Variants in WWC1 observed in about 807,000 individuals in gnomAD.
WWC1 encodes protein KIBRA.
A neutral mutation model predicts 138.4 loss-of-function variants in WWC1; 55 were observed. The ratio of observed to expected loss-of-function variants is 0.40; its 90% CI spans 0.32 to 0.50. The LOEUF (loss-of-function observed/expected upper bound fraction) is 0.50. WWC1 is among the 20% of genes least tolerant of loss of function. The probability of loss-of-function intolerance (pLI) is 0.72; values close to 1 mark genes in which losing one functional copy is unlikely to be tolerated. For synonymous variants in WWC1, 524 were observed against 564.9 expected, an observed-to-expected ratio of 0.93 and a Z score of 1.03; for missense variants, 1,226 against 1,420.4, an observed-to-expected ratio of 0.86 and a Z score of 2.20.
At chr5:168,432,573 A>G (rs901496736) in intron 15 of WWC1, among the ~76,000 whole-genome samples, 2 of 152,238 alleles carry the variant, frequency 1.3e-5, no homozygotes, top group Non-Finnish European at 2.9e-5. Context: ...TATTTTAATG[A>G]TAACTCAACT....
chr5:168,349,926 A>T (rs1042944285), intron 1 of WWC1, among the ~76,000 whole-genome samples: 15 of 152,190 alleles, frequency 9.9e-5, no homozygotes, highest in Non-Finnish European at 1.5e-4. Flanking sequence ...AAGGATGGTT[A>T]TCTGCATGGG....
intron 20 of WWC1, among the ~76,000 whole-genome samples, chr5:168,463,264 C>T (rs949188105): frequency 1.3e-5 from 2 of 152,220 alleles, no homozygotes; most frequent in African/African-American, 4.8e-5. Flanking sequence ...TAAATGGCCA[C>T]ATACTCATCT....
chr5:168,408,079 G>T (rs545502577), intron 6 of WWC1, among the ~76,000 whole-genome samples: 18 of 148,006 alleles, frequency 1.2e-4, no homozygotes, highest in African/African-American at 4.0e-4. Flanking sequence ...TGTTGCCCAG[G>T]CTGATCTTGA....
At chr5:168,309,101 C>A (rs1388588584) in intron 1 of WWC1, among the ~76,000 whole-genome samples, 1 of 152,122 alleles carries the variant, frequency 6.6e-6, no homozygotes, top group East Asian at 1.9e-4. Context: ...TCCTCCTTGA[C>A]CTCCTGTAGC....
intron 15 of WWC1, among the ~76,000 whole-genome samples, chr5:168,440,941 TACCC>T: frequency 6.6e-6 from 1 of 152,174 alleles, no homozygotes; most frequent in East Asian, 1.9e-4. Flanking sequence ...AAATGTAGCA[TACCC>T]ATACAGTGGA....
chr5:168,301,260 G>A (rs560361305), intron 1 of WWC1, among the ~76,000 whole-genome samples: 12 of 152,264 alleles, frequency 7.9e-5, no homozygotes, highest in Admixed American at 7.2e-4. Context: ...CATACCACAC[G>A]ATTCACGATT....
At chr5:168,345,996 G>C (rs1051234243) in intron 1 of WWC1, among the ~76,000 whole-genome samples, 1 of 152,032 alleles carries the variant, frequency 6.6e-6, no homozygotes, top group Non-Finnish European at 1.5e-5. Context: ...GGGACCCTGT[G>C]TGGTGAGAGA....
At chr5:168,358,548 C>T (rs1439013568) in intron 1 of WWC1, among the ~76,000 whole-genome samples, 3 of 152,184 alleles carry the variant, frequency 2.0e-5, no homozygotes, top group Non-Finnish European at 1.5e-5. Flanking sequence ...GGATTGATAC[C>T]AGTTGGATTT....
rs1777373527 is a variant in WWC1, at chr5:168,378,262, C to CA, written c.229+6731dup. ...TACTTATCGACATAAAAGATGGCAG[C>CA]AATAGGCACTAGGGGCTACTAGAGA... On this transcript the variant is annotated intron_variant, in intron 2 of 22. Coordinates refer to ENST00000265293, the MANE Select transcript of WWC1 (RefSeq NM_015238.3). Among the ~76,000 whole-genome samples the CA allele has an allele frequency of 3.9e-5, 6 of 152,140 alleles. No individual in the cohort carries two copies. In the South Asian group the frequency reaches 1.0e-3, roughly 26 times the overall value.
chr5:168,319,888 T>C (rs1771916322), intron 1 of WWC1, among the ~76,000 whole-genome samples: 1 of 152,220 alleles, frequency 6.6e-6, no homozygotes, highest in East Asian at 1.9e-4. Context: ...AGGGTTCCAA[T>C]TTCTCCACGT....
chr5:168,345,005 T>A (rs968267746), intron 1 of WWC1, among the ~76,000 whole-genome samples: 10 of 152,234 alleles, frequency 6.6e-5, no homozygotes, highest in African/African-American at 2.4e-4. Flanking sequence ...CTCGTTTGAC[T>A]TTCCCACCAG....
At chr5:168,316,941 A>G (rs921927434) in intron 1 of WWC1, 1 of 152,196 alleles carries the variant, frequency 6.6e-6, no homozygotes, top group Non-Finnish European at 1.5e-5. Flanking sequence ...AAAATAGTAC[A>G]TTGTTATCAT....
Position 168,441,902 on chromosome 5 carries a change from C to G in WWC1, c.2433+68C>G, listed in dbSNP as rs1036176884. On this transcript the variant is annotated intron_variant, in intron 16 of 22. Coordinates refer to ENST00000265293, the MANE Select transcript of WWC1 (RefSeq NM_015238.3). The stretch of plus-strand genomic sequence containing the variant: ...CCGGATGTTGGAAGGGAAAGCCTCT[C>G]CCAGAACTGGAGGTGATCAGGCGTC... 3 of 1,553,784 alleles carry G rather than the reference C, an allele frequency of 1.9e-6. No homozygotes were observed. In the African/African-American group the frequency reaches 4.1e-5, roughly 21 times the overall value.
intron 15 of WWC1, among the ~76,000 whole-genome samples, chr5:168,438,621 C>G (rs1227580212): frequency 7.7e-6 from 1 of 129,550 alleles, no homozygotes; most frequent in Non-Finnish European, 1.6e-5. Flanking sequence ...TTTGGTATTT[C>G]TACCACCCAT....
chr5:168,309,901 C>A (rs193201775), intron 1 of WWC1, among the ~76,000 whole-genome samples: 1 of 152,158 alleles, frequency 6.6e-6, no homozygotes. Flanking sequence ...TAGACAAGCA[C>A]GACAAACTAC....
At chr5:168,366,056 C>T (rs1047330396) in intron 1 of WWC1, among the ~76,000 whole-genome samples, 32 of 152,316 alleles carry the variant, frequency 2.1e-4, no homozygotes, top group Non-Finnish European at 2.6e-4. Flanking sequence ...TCCCAGGTTG[C>T]ATCCTTAGCA....
At chr5:168,403,006 T>TTCTCTTTCTTTCTTTC (rs1220927332) in intron 5 of WWC1, among the ~76,000 whole-genome samples, 2 of 105,608 alleles carry the variant, frequency 1.9e-5, no homozygotes, top group African/African-American at 7.3e-5. Context: ...TGTTGTTTCT[T>TTCTCTTTCTTTCTTTC]TTTCTTTCTT....
At chr5:168,442,729 A>G (rs1209975039) in intron 16 of WWC1, among the ~76,000 whole-genome samples, 1 of 150,928 alleles carries the variant, frequency 6.6e-6, no homozygotes, top group East Asian at 2.0e-4. Context: ...CCTAGCTACT[A>G]GGGAGGCTGA....
intron 20 of WWC1, among the ~76,000 whole-genome samples, chr5:168,463,542 C>G (rs1378430296): frequency 6.6e-6 from 1 of 152,098 alleles, no homozygotes; most frequent in East Asian, 1.9e-4. Flanking sequence ...TTATACAGGG[C>G]GTGTATATTA....
Sources: allele counts gnomAD v4.1 joint callset (sites outside exome capture counted in the v4.1 genomes callset), GRCh38; gene constraint gnomAD v4.1.1; transcripts MANE v1.5; gene names NCBI Gene and HGNC (gene_info 2026-07-23, HGNC 2026-07-21).